SRGAP2C: variants seen among roughly 807,000 people sequenced by gnomAD.
The protein encoded by SRGAP2C is SLIT-ROBO Rho GTPase-activating protein 2C.
Under a neutral mutation model 25.1 loss-of-function variants are expected in SRGAP2C, and 15 were observed. The ratio of observed to expected loss-of-function variants is 0.60; its 90% CI spans 0.40 to 0.92. The LOEUF is 0.92. Ranked by LOEUF, SRGAP2C falls within the 40% of genes least tolerant of loss-of-function variation. The pLI is 0.00. For synonymous variants in SRGAP2C, 44 were observed against 96.6 expected, an observed-to-expected ratio of 0.46 and a Z score of 3.19; for missense variants, 144 against 264.4, an observed-to-expected ratio of 0.54 and a Z score of 3.16.
intron 2 of SRGAP2C, among the ~76,000 whole-genome samples, chr1:121,211,170 T>C (rs1553323581): frequency 6.8e-6 from 1 of 147,532 alleles, no homozygotes; most frequent in Non-Finnish European, 1.5e-5. Flanking sequence ...TATGCAACAC[T>C]TTTTTTTTTG....
intron 4 of SRGAP2C, chr1:121,361,361 C>T (rs1267926223): frequency 7.0e-6 from 1 of 143,772 alleles, no homozygotes; most frequent in South Asian, 2.3e-4. Flanking sequence ...GAAGAGTGAC[C>T]AGACCAGTGG....
At chr1:121,266,552 G>C (rs1466402730) in intron 2 of SRGAP2C, among the ~76,000 whole-genome samples, 1 of 148,934 alleles carries the variant, frequency 6.7e-6, no homozygotes, top group East Asian at 2.0e-4. Flanking sequence ...AAACGAAGGA[G>C]TTGCCATGAT....
At chr1:121,267,251 C>T (rs1459095437) in intron 2 of SRGAP2C, among the ~76,000 whole-genome samples, 5 of 150,974 alleles carry the variant, frequency 3.3e-5, no homozygotes, top group East Asian at 1.9e-4. Flanking sequence ...TGGAGTGCAG[C>T]GGTGTGATCT....
intron 2 of SRGAP2C, among the ~76,000 whole-genome samples, chr1:121,207,489 T>TG (rs1655144582): frequency 6.6e-6 from 1 of 151,856 alleles, no homozygotes; most frequent in African/African-American, 2.4e-5. Context: ...AAAGGCAGCC[T>TG]GGGGAGTGTG....
chr1:121,201,581 A>G (rs1223190405), intron 2 of SRGAP2C, among the ~76,000 whole-genome samples: 53 of 152,398 alleles, frequency 3.5e-4, no homozygotes, highest in African/African-American at 1.3e-3. Flanking sequence ...ACACTTAGGC[A>G]TGCGCGTGTG....
In SRGAP2C at chr1:121,308,890, G is replaced by C. The variant is rs1416682146; in HGVS notation, c.261-15588G>C. On this transcript the variant is annotated intron_variant, in intron 3 of 9. Coordinates refer to ENST00000367123, the MANE Select transcript of SRGAP2C (RefSeq NM_001329984.2). ...GGAGGCGGAGGTTGCGGTGAGCCGAGATCGCACCATTGCACTCTAGCCTGG... is the reference window on the plus strand; with the variant it reads ...GGAGGCGGAGGTTGCGGTGAGCCGACATCGCACCATTGCACTCTAGCCTGG... Among the ~76,000 whole-genome samples the C allele has an allele frequency of 1.7e-3, 223 of 131,698 alleles. 1 individual carries two copies. The highest frequency in any genetic ancestry group is 5.9e-3 in the African/African-American group (204 of 34,314). 86.4% of individuals were successfully genotyped at this position (131,698 alleles called of 152,430 possible).
intron 4 of SRGAP2C, among the ~76,000 whole-genome samples, chr1:121,342,902 C>T (rs1363064630): frequency 8.1e-6 from 1 of 123,340 alleles, no homozygotes; most frequent in Non-Finnish European, 1.7e-5. Context: ...CCTTTTCTAG[C>T]TGACTTTAAG....
intron 3 of SRGAP2C, among the ~76,000 whole-genome samples, chr1:121,287,746 C>T (rs1373774611): frequency 2.6e-5 from 4 of 152,082 alleles, no homozygotes; most frequent in African/African-American, 9.7e-5. Context: ...TGGAGTCTGT[C>T]CCTTCTGATG....
At chr1:121,320,984 G>A (rs1658191843) in intron 3 of SRGAP2C, among the ~76,000 whole-genome samples, 2 of 152,180 alleles carry the variant, frequency 1.3e-5, no homozygotes, top group Admixed American at 6.5e-5. Context: ...AGGCTCACCT[G>A]TACAGCTTTA....
intron 3 of SRGAP2C, among the ~76,000 whole-genome samples, chr1:121,285,404 T>TCTCTCACACACACACA (rs1553336851): frequency 8.0e-6 from 1 of 124,488 alleles, no homozygotes; most frequent in African/African-American, 2.9e-5. Flanking sequence ...TCTCTCTCTC[T>TCTCTCACACACACACA]CACACACACA....
intron 2 of SRGAP2C, among the ~76,000 whole-genome samples, chr1:121,230,578 G>T (rs1265911412): frequency 2.1e-5 from 3 of 145,370 alleles, no homozygotes; most frequent in Non-Finnish European, 4.5e-5. Context: ...ACCCTGTCCT[G>T]TCTCAGGGCC....
chr1:121,346,813 G>T lies in SRGAP2C; in HGVS notation c.424-18480G>T, dbSNP rs587776108. On this transcript the variant is annotated intron_variant, in intron 4 of 9. Transcript: ENST00000367123. The stretch of plus-strand genomic sequence containing the variant: ...GAATAGTTACATGTCCCAGGCGGGA[G>T]GTCATGACAGTTGGATCTGTGGTTG... 1.6e-3 allele frequency among the ~76,000 whole-genome samples: 248 copies of T among 151,462 alleles called. 1 individual carries two copies. The highest frequency in any genetic ancestry group is 5.7e-3 in the African/African-American group (236 of 41,368).
chr1:121,272,292 T>A (rs1656984944), intron 2 of SRGAP2C, among the ~76,000 whole-genome samples: 1 of 150,758 alleles, frequency 6.6e-6, no homozygotes, highest in African/African-American at 2.4e-5. Context: ...TTAACAAAAT[T>A]TTACAGAATA....
At position 121,271,102 on chromosome 1, in the gene SRGAP2C, G is replaced by GT. The variant is rs111688034; in HGVS notation, c.68-13690dup. 7.5e-3 allele frequency among the ~76,000 whole-genome samples: 1,102 copies of GT among 146,614 alleles called. 27 individuals are homozygous for GT. The East Asian group carries it at 0.093, about 12-fold the overall frequency. On this transcript the variant is annotated intron_variant, in intron 2 of 9. Transcript: ENST00000367123. ...GTGAGCCACCGCGCCCAGCTGGACT[G>GT]TTTTTTTTTTTGGTGTTTTGTTTTG...
chr1:121,280,278 A>G (rs1274823680), intron 2 of SRGAP2C, among the ~76,000 whole-genome samples: 3 of 150,950 alleles, frequency 2.0e-5, no homozygotes, highest in South Asian at 2.1e-4. Flanking sequence ...TTAAAAAAAC[A>G]TAATAAGAAA....
Position 121,391,283 on chromosome 1 carries a change from G to A in SRGAP2C, c.*3428G>A, listed in dbSNP as rs1418339233. ...TCTACAAAGTCACACGTATTCATAGGTTAAGCCACATGCTGACAAATGTCA... is the reference window on the plus strand; with the variant it reads ...TCTACAAAGTCACACGTATTCATAGATTAAGCCACATGCTGACAAATGTCA... On this transcript the variant is annotated 3_prime_UTR_variant, in exon 10 of 10. Transcript: ENST00000367123. 1 of 151,638 alleles carries A rather than the reference G, an allele frequency of 6.6e-6. No homozygotes were observed. The highest frequency in any genetic ancestry group is 1.5e-5 in the Non-Finnish European group (1 of 67,928). The allele number at this position is 151,638 out of a possible 1,614,324, so 9.4% of individuals were successfully genotyped here.
chr1:121,281,135 T>C (rs1431727412), intron 2 of SRGAP2C, among the ~76,000 whole-genome samples: 2 of 151,468 alleles, frequency 1.3e-5, no homozygotes, highest in Non-Finnish European at 3.0e-5. Flanking sequence ...TTGGGGACCA[T>C]TGTTTGTCTT....
chr1:121,328,889 T>TAAAAAAA (rs1300958463), intron 4 of SRGAP2C, among the ~76,000 whole-genome samples: 5 of 75,206 alleles, frequency 6.6e-5, no homozygotes, highest in African/African-American at 2.3e-4. Context: ...CCTGTCTGTT[T>TAAAAAAA]AAAAAAAAAA....
At chr1:121,236,056 C>T (rs1338522668) in intron 2 of SRGAP2C, among the ~76,000 whole-genome samples, 1 of 110,176 alleles carries the variant, frequency 9.1e-6, no homozygotes, top group African/African-American at 3.9e-5. Flanking sequence ...TGGATGGCTT[C>T]CTTGTTTTCT....
Sources: allele counts gnomAD v4.1 joint callset (sites outside exome capture counted in the v4.1 genomes callset), GRCh38; gene constraint gnomAD v4.1.1; transcripts MANE v1.5; gene names NCBI Gene and HGNC (gene_info 2026-07-23, HGNC 2026-07-21).